The following TSPEAR variants were observed in gnomAD, a reference collection of about 807,000 sequenced individuals.
The protein encoded by TSPEAR is thrombospondin-type laminin G domain and EAR repeat-containing protein.
TSPEAR carries 69 observed loss-of-function variants against 71.6 expected under a neutral mutation model. The observed-to-expected ratio is 0.96, with a 90% CI of 0.79 to 1.18. The LOEUF is 1.18. Among genes scored for constraint, TSPEAR ranks in the 50% most tolerant of loss-of-function variants. The pLI, the probability that TSPEAR is intolerant of heterozygous loss-of-function variation, is 0.00. For missense variants in TSPEAR, 971 were observed against 894.9 expected (o/e 1.09, Z -1.09); for synonymous variants, 402 against 387.2 (o/e 1.04, Z -0.45).
chr21:44,646,447 C>T, intron 1 of TSPEAR: 1 of 1,596,678 alleles, frequency 6.3e-7, no homozygotes, highest in African/African-American at 1.3e-5. Flanking sequence ...CTCACCTCCT[C>T]CCCACCCCAG....
rs73909224 is a variant in TSPEAR at position 44,669,709 on chromosome 21, G to A, written c.82+41724C>T. On this transcript the variant is annotated intron_variant, in intron 1 of 11. Transcript: ENST00000323084. ...CAGTATTCCCACCATTCTCCTCCTC[G>A]GCTTACGGATCACCCGCAGGAGGTG... Among the ~76,000 whole-genome samples the A allele has an allele frequency of 1.0e-2, 1,517 of 152,204 alleles. 24 individuals are homozygous for A. Among genetic ancestry groups the A allele is most frequent in the African/African-American group, 0.035 (1,433 of 41,504 alleles).
intron 1 of TSPEAR, among the ~76,000 whole-genome samples, chr21:44,614,321 C>G (rs1981927445): frequency 6.6e-6 from 1 of 152,268 alleles, no homozygotes; most frequent in South Asian, 2.1e-4. Flanking sequence ...CTTTGCATCA[C>G]CAGCATGGGG....
chr21:44,503,673 CG>C (rs2052107082), intron 11 of TSPEAR, among the ~76,000 whole-genome samples: 3 of 52,298 alleles, frequency 5.7e-5, no homozygotes, highest in Non-Finnish European at 1.1e-4. Context: ...GAGCCCACAG[CG>C]GGGAAGCAAG....
chr21:44,706,376 C>T (rs562672545), intron 1 of TSPEAR, among the ~76,000 whole-genome samples: 2 of 151,908 alleles, frequency 1.3e-5, no homozygotes, highest in Admixed American at 6.5e-5. Context: ...CCCATGCACG[C>T]ACACACGCGC....
At chr21:44,534,032 G>T in intron 2 of TSPEAR, 109 bp from the exon 3 acceptor site, 1 of 804,984 alleles carries the variant, frequency 1.2e-6, no homozygotes, top group Non-Finnish European at 2.0e-6. Flanking sequence ...GAGAGGAGCA[G>T]GGGCTGACTG....
intron 1 of TSPEAR, among the ~76,000 whole-genome samples, chr21:44,708,391 A>C (rs1181312317): frequency 6.6e-6 from 1 of 152,144 alleles, no homozygotes; most frequent in Admixed American, 6.5e-5. Context: ...GCCAAGGACC[A>C]GGACTCCCCA....
At chr21:44,570,170 G>T (rs2053772289) in intron 1 of TSPEAR, among the ~76,000 whole-genome samples, 3 of 152,180 alleles carry the variant, frequency 2.0e-5, no homozygotes, top group African/African-American at 7.2e-5. Flanking sequence ...ATGAGCCTCT[G>T]CCCTGCTGAG....
intron 1 of TSPEAR, among the ~76,000 whole-genome samples, chr21:44,673,966 G>A (rs2146285939): frequency 6.6e-6 from 1 of 152,126 alleles, no homozygotes; most frequent in South Asian, 2.1e-4. Context: ...AAATAACAGT[G>A]CTAAGAGGGA....
At chr21:44,708,082 C>T (rs900011112) in intron 1 of TSPEAR, among the ~76,000 whole-genome samples, 3 of 147,648 alleles carry the variant, frequency 2.0e-5, no homozygotes, top group Admixed American at 6.9e-5. Context: ...TGAGAGAGAG[C>T]GAGCGAGAGA....
intron 10 of TSPEAR, chr21:44,508,383 T>C: frequency 1.5e-6 from 1 of 689,452 alleles, no homozygotes; most frequent in Non-Finnish European, 1.8e-6. Context: ...TGTTACCGAA[T>C]GAAATAGGAG....
At chr21:44,652,315 A>G (rs1312159469) in intron 1 of TSPEAR, among the ~76,000 whole-genome samples, 2 of 152,060 alleles carry the variant, frequency 1.3e-5, no homozygotes, top group East Asian at 1.9e-4. Flanking sequence ...TTTTCCTTAG[A>G]TGAAAATCAC....
chr21:44,550,904 G>T, intron 2 of TSPEAR: 4 of 1,466,540 alleles, frequency 2.7e-6, no homozygotes, highest in Non-Finnish European at 3.7e-6. Flanking sequence ...TGCAGCAGAC[G>T]GACACACAGC....
intron 1 of TSPEAR, among the ~76,000 whole-genome samples, chr21:44,709,301 A>C (rs1420154062): frequency 2.0e-5 from 3 of 152,152 alleles, no homozygotes; most frequent in African/African-American, 7.2e-5. Context: ...GGCTCCTTAC[A>C]AGAATCGGAA....
chr21:44,557,559 G>A (rs1318582513), intron 2 of TSPEAR, among the ~76,000 whole-genome samples: 5 of 152,192 alleles, frequency 3.3e-5, no homozygotes, highest in East Asian at 1.9e-4. Flanking sequence ...AGGCCGGGCC[G>A]GGTGGGTGTG....
chr21:44,632,170 G>C (rs1027093555), intron 1 of TSPEAR, among the ~76,000 whole-genome samples: 1 of 152,090 alleles, frequency 6.6e-6, no homozygotes, highest in Non-Finnish European at 1.5e-5. Flanking sequence ...CATTCAAGAA[G>C]CTCCATGAGC....
chr21:44,571,637 AC>A (rs2053798614), intron 1 of TSPEAR, among the ~76,000 whole-genome samples: 1 of 152,192 alleles, frequency 6.6e-6, no homozygotes, highest in Admixed American at 6.5e-5. Context: ...ATGAACTTGG[AC>A]CCAAAAGTAA....
intron 9 of TSPEAR, among the ~76,000 whole-genome samples, chr21:44,521,079 G>A (rs1555914189): frequency 6.6e-6 from 1 of 152,106 alleles, no homozygotes; most frequent in African/African-American, 2.4e-5. Flanking sequence ...CGCCAGGTCA[G>A]GGGGCACAGA....
intron 9 of TSPEAR, among the ~76,000 whole-genome samples, chr21:44,512,566 G>A (rs913584670): frequency 7.9e-5 from 12 of 152,146 alleles, no homozygotes; most frequent in Non-Finnish European, 1.8e-4. Context: ...TGGAGGTGGC[G>A]GTGCTCTGGC....
intron 1 of TSPEAR, among the ~76,000 whole-genome samples, chr21:44,609,642 C>T (rs923391464): frequency 6.6e-6 from 1 of 152,150 alleles, no homozygotes; most frequent in Non-Finnish European, 1.5e-5. Flanking sequence ...ATATTTGAAC[C>T]TCTTGAGTGG....
Sources: allele counts gnomAD v4.1 joint callset (sites outside exome capture counted in the v4.1 genomes callset), GRCh38; gene constraint gnomAD v4.1.1; transcripts MANE v1.5; gene names NCBI Gene and HGNC (gene_info 2026-07-23, HGNC 2026-07-21).